Variants in ROBO2 observed in about 807,000 individuals in gnomAD.
ROBO2 encodes roundabout homolog 2.
In ROBO2, 53 loss-of-function variants were observed where a neutral mutation model predicts 160.8. That is an observed-to-expected ratio of 0.33 (90% confidence interval 0.26 to 0.41). ROBO2 has a LOEUF of 0.41. Among genes scored for constraint, ROBO2 ranks in the 10% least tolerant of loss-of-function variants. The probability of loss-of-function intolerance (pLI) is 1.00; values close to 1 mark genes in which losing one functional copy is unlikely to be tolerated. For synonymous variants in ROBO2, 664 were observed against 611.7 expected (o/e 1.09, Z -1.26); for missense variants, 1,577 against 1,722.4 (o/e 0.92, Z 1.49).
intron 2 of ROBO2, among the ~76,000 whole-genome samples, chr3:77,019,890 C>T (rs2062518300): frequency 6.6e-6 from 1 of 152,160 alleles, no homozygotes; most frequent in South Asian, 2.1e-4. Context: ...GATTCAGATA[C>T]ATTTGAATTT....
At chr3:76,805,414 A>C (rs933046920) in intron 2 of ROBO2, among the ~76,000 whole-genome samples, 3 of 151,952 alleles carry the variant, frequency 2.0e-5, no homozygotes, top group African/African-American at 7.2e-5. Flanking sequence ...AAACATCTTG[A>C]AAAGGAAGCT....
intron 1 of ROBO2, among the ~76,000 whole-genome samples, chr3:77,046,241 T>C (rs2149657725): frequency 6.6e-6 from 1 of 152,308 alleles, no homozygotes; most frequent in East Asian, 1.9e-4. Context: ...TTTCTTTTAA[T>C]TGATCATGGA....
chr3:77,582,948 T>A (rs1373133452), intron 16 of ROBO2, among the ~76,000 whole-genome samples: 1 of 151,886 alleles, frequency 6.6e-6, no homozygotes, highest in Admixed American at 6.6e-5. Flanking sequence ...CGAGACCAGC[T>A]GGGCAACATG....
intron 2 of ROBO2, among the ~76,000 whole-genome samples, chr3:76,974,251 A>C (rs949504783): frequency 2.0e-5 from 3 of 152,160 alleles, no homozygotes; most frequent in Non-Finnish European, 4.4e-5. Flanking sequence ...TACATATTAC[A>C]TTTGCATGCA....
rs570807346 is a variant in ROBO2, at chr3:77,360,784, C to T, written c.389-116630C>T. 2.0e-5 allele frequency among the ~76,000 whole-genome samples: 3 copies of T among 152,238 alleles called. No homozygotes were observed. The South Asian group carries it at 6.2e-4, about 32-fold the overall frequency. ...AATTGCTGTGTCTGGGCCCCATCTCCACATTTTCACAACTTAATTCTTAGC... is the reference window on the plus strand; with the variant it reads ...AATTGCTGTGTCTGGGCCCCATCTCTACATTTTCACAACTTAATTCTTAGC... On this transcript the variant is annotated intron_variant, in intron 2 of 25. Coordinates refer to ENST00000461745, the Ensembl canonical transcript of ROBO2.
At chr3:77,280,469 G>A (rs951233931) in intron 2 of ROBO2, among the ~76,000 whole-genome samples, 1 of 152,180 alleles carries the variant, frequency 6.6e-6, no homozygotes, top group South Asian at 2.1e-4. Flanking sequence ...GAGGACAGAA[G>A]ATTGGGCTTG....
At chr3:77,217,742 T>C (rs952276461) in intron 2 of ROBO2, among the ~76,000 whole-genome samples, 15 of 152,218 alleles carry the variant, frequency 9.9e-5, no homozygotes, top group African/African-American at 3.6e-4. Flanking sequence ...GAGGCAATAC[T>C]TTGAGTATGA....
At chr3:77,098,507 GTTGTAGTAAGT>G (rs572049034) in intron 2 of ROBO2, among the ~76,000 whole-genome samples, 167 bp downstream of exon 2, 37 of 152,240 alleles carry the variant, frequency 2.4e-4, no homozygotes, top group African/African-American at 8.7e-4. Context: ...AAGCCAGGGT[GTTGTAGTAAGT>G]TTGTTTATAT....
At chr3:76,961,584 G>A (rs72900184) in intron 2 of ROBO2, among the ~76,000 whole-genome samples, 6,621 of 152,186 alleles carry the variant, frequency 0.044, 461 homozygotes, top group African/African-American at 0.15. Flanking sequence ...AAGAACGTGA[G>A]CTATAGATCA....
intron 2 of ROBO2, among the ~76,000 whole-genome samples, chr3:76,125,709 A>G (rs1322208738): frequency 6.6e-6 from 1 of 152,052 alleles, no homozygotes; most frequent in Non-Finnish European, 1.5e-5. Flanking sequence ...TCTGGGCCCC[A>G]TACCCCATTG....
chr3:76,022,653 A>G (rs1347118113), intron 2 of ROBO2, among the ~76,000 whole-genome samples: 1 of 151,734 alleles, frequency 6.6e-6, no homozygotes, highest in Admixed American at 6.6e-5. Flanking sequence ...AGAGCGGGAT[A>G]AAAATATCCA....
intron 2 of ROBO2, among the ~76,000 whole-genome samples, chr3:77,287,192 A>G (rs968708458): frequency 2.0e-5 from 3 of 152,212 alleles, no homozygotes; most frequent in African/African-American, 7.2e-5. Context: ...TTACTAACAC[A>G]TTCACTCATA....
chr3:76,352,705 T>C (rs989835362), intron 2 of ROBO2, among the ~76,000 whole-genome samples: 1 of 151,948 alleles, frequency 6.6e-6, no homozygotes, highest in African/African-American at 2.4e-5. Context: ...CTCCTGTGGA[T>C]TGCAGAACCA....
At chr3:76,239,947 C>T (rs1705188142) in intron 2 of ROBO2, among the ~76,000 whole-genome samples, 1 of 152,086 alleles carries the variant, frequency 6.6e-6, no homozygotes, top group East Asian at 1.9e-4. Context: ...TGGGGCTTTG[C>T]AGGCACGTTG....
chr3:76,090,780 C>A (rs896496603), intron 2 of ROBO2, among the ~76,000 whole-genome samples: 9 of 151,952 alleles, frequency 5.9e-5, no homozygotes, highest in Non-Finnish European at 1.2e-4. Context: ...ACGGGAGAGC[C>A]CAGAAACAGA....
At chr3:76,529,600 A>C (rs746558819) in intron 2 of ROBO2, among the ~76,000 whole-genome samples, 23 of 152,148 alleles carry the variant, frequency 1.5e-4, no homozygotes, top group Non-Finnish European at 3.2e-4. Context: ...TGGGTATTCA[A>C]TGAGATGATG....
rs572448127 is a variant in ROBO2, at chr3:77,409,588, G to C, written c.389-67826G>C. Among the ~76,000 whole-genome samples, 55 of 152,124 alleles carry C rather than the reference G, an allele frequency of 3.6e-4. 1 individual carries two copies. The highest frequency in any genetic ancestry group is 6.9e-4 in the Non-Finnish European group (47 of 67,996). ...AGAATACATGCGCCGGCTTTATGAG[G>C]GTCCCTGTCATCAAGGATTTAGCTG... On this transcript the variant is annotated intron_variant, in intron 2 of 25. Coordinates refer to ENST00000461745, the Ensembl canonical transcript of ROBO2.
At chr3:76,416,010 A>G (rs1431116123) in intron 2 of ROBO2, among the ~76,000 whole-genome samples, 1 of 152,082 alleles carries the variant, frequency 6.6e-6, no homozygotes, top group Non-Finnish European at 1.5e-5. Flanking sequence ...CCACACACAA[A>G]CAGCATGCAG....
In ROBO2 at chr3:76,897,044, C is replaced by A. The variant is rs570495900; in HGVS notation, c.110-200970C>A. Among the ~76,000 whole-genome samples the A allele has an allele frequency of 1.5e-3, 231 of 152,172 alleles. 2 individuals are homozygous for A. Among genetic ancestry groups the A allele is most frequent in the African/African-American group, 5.3e-3 (218 of 41,516 alleles). On this transcript the variant is annotated intron_variant, in intron 2 of 26. Coordinates refer to the ROBO2 transcript ENST00000487694. The stretch of plus-strand genomic sequence containing the variant: ...TAACTAAGCACTCTACCTCTAGAGT[C>A]CATTCAAATATTTTACTCATAGAAG...
Sources: gnomAD v4.1 joint callset for allele counts (sites outside exome capture counted in the v4.1 genomes callset) on GRCh38, gnomAD v4.1.1 for gene constraint, MANE v1.5 for transcripts, NCBI Gene and HGNC (gene_info 2026-07-23, HGNC 2026-07-21) for gene names.